ZNF831: variants seen among roughly 807,000 people sequenced by gnomAD.
ZNF831 encodes the protein chromosome 20 open reading frame 174.
Under a neutral mutation model 95.8 loss-of-function variants are expected in ZNF831, and 59 were observed. The ratio of observed to expected loss-of-function variants is 0.62; its 90% confidence interval spans 0.50 to 0.77. The LOEUF is 0.77. Among genes scored for constraint, ZNF831 ranks in the 30% least tolerant of loss-of-function variants. The probability of loss-of-function intolerance (pLI) is 0.00; values close to 1 mark genes in which losing one functional copy is unlikely to be tolerated. For missense variants in ZNF831, 2,205 were observed against 2,164.0 expected (o/e 1.02, Z -0.38); for synonymous variants, 961 against 925.5 (o/e 1.04, Z -0.70).
At chr20:59,128,637 A>G (rs1979253546) in intron 1 of ZNF831, among the ~76,000 whole-genome samples, 1 of 152,164 alleles carries the variant, frequency 6.6e-6, no homozygotes, top group Non-Finnish European at 1.5e-5. Context: ...TCTCCATGAG[A>G]TGGTAGCCAC....
intron 1 of ZNF831, among the ~76,000 whole-genome samples, chr20:59,131,132 T>G (rs763698697): frequency 6.6e-6 from 1 of 152,218 alleles, no homozygotes; most frequent in Non-Finnish European, 1.5e-5. Context: ...GCATTAACCT[T>G]CCAGCATCCA....
chr20:59,187,415 C>G (rs1307833219), intron 1 of ZNF831, among the ~76,000 whole-genome samples: 1 of 152,098 alleles, frequency 6.6e-6, no homozygotes, highest in Non-Finnish European at 1.5e-5. Context: ...ATCTAGGTAC[C>G]AGGATGCAGG....
intron 3 of ZNF831, among the ~76,000 whole-genome samples, chr20:59,206,310 T>C (rs1309220177): frequency 6.6e-6 from 1 of 152,140 alleles, no homozygotes; most frequent in Admixed American, 6.5e-5. Context: ...TACATCTTAT[T>C]TGAAGAAAAT....
rs371853980 is a variant in ZNF831 at position 59,211,018 on chromosome 20, C to T, written c.4027+3962C>T. ...ACTGCAGTCCGCAGTCCGGCCTGGG[C>T]GACAGAGCGAGACTCCGTCTCAAAA... On this transcript the variant is annotated intron_variant, in intron 4 of 5. Coordinates refer to ENST00000371030, the MANE Select transcript of ZNF831 (RefSeq NM_178457.3). 1.4e-4 allele frequency among the ~76,000 whole-genome samples: 19 copies of T among 136,912 alleles called. 3 individuals are homozygous for T. In the East Asian group the frequency reaches 2.8e-3, roughly 20 times the overall value. The allele number at this position is 136,912 out of a possible 152,430, so 89.8% of individuals were successfully genotyped here. A position where few individuals can be genotyped will look rare whatever the true frequency, so the allele number is the denominator to read the frequency against.
At chr20:59,209,195 G>A (rs746960504) in intron 4 of ZNF831, among the ~76,000 whole-genome samples, 2 of 152,170 alleles carry the variant, frequency 1.3e-5, no homozygotes, top group Non-Finnish European at 2.9e-5. Flanking sequence ...GATTCAAGGT[G>A]CAGCAATGCC....
intron 4 of ZNF831, among the ~76,000 whole-genome samples, chr20:59,219,054 T>C (rs1246742777): frequency 6.6e-6 from 1 of 151,996 alleles, no homozygotes; most frequent in African/African-American, 2.4e-5. Flanking sequence ...TGAGAGATGG[T>C]TCCCCCTAAA....
chr20:59,239,061 G>A (rs896669385), intron 4 of ZNF831, among the ~76,000 whole-genome samples: 1 of 152,214 alleles, frequency 6.6e-6, no homozygotes, highest in Non-Finnish European at 1.5e-5. Context: ...ACTCCATGAA[G>A]TGATAGAAAG....
intron 4 of ZNF831, among the ~76,000 whole-genome samples, chr20:59,233,102 A>G (rs1482542953): frequency 6.6e-6 from 1 of 151,860 alleles, no homozygotes; most frequent in Non-Finnish European, 1.5e-5. Flanking sequence ...CCCAGGTTAC[A>G]TGGCTTGGTG....
At chr20:59,144,084 C>CT (rs771857825) in intron 1 of ZNF831, among the ~76,000 whole-genome samples, 1 of 151,978 alleles carries the variant, frequency 6.6e-6, no homozygotes, top group Non-Finnish European at 1.5e-5. Context: ...CTTTCTATTT[C>CT]TTTTTTTTAA....
At chr20:59,196,391 G>A (rs182922181) in intron 3 of ZNF831, among the ~76,000 whole-genome samples, 1 of 152,290 alleles carries the variant, frequency 6.6e-6, no homozygotes, top group East Asian at 1.9e-4. Context: ...AAACATCCTA[G>A]TAATCTCGCC....
At chr20:59,131,023 T>C (rs150412602) in intron 1 of ZNF831, among the ~76,000 whole-genome samples, 1 of 152,288 alleles carries the variant, frequency 6.6e-6, no homozygotes, top group Non-Finnish European at 1.5e-5. Flanking sequence ...TCAGTAAACA[T>C]GAGATGTGTC....
intron 1 of ZNF831, among the ~76,000 whole-genome samples, chr20:59,181,795 C>T (rs942036994): frequency 1.5e-5 from 2 of 135,436 alleles, no homozygotes; most frequent in South Asian, 4.4e-4. Flanking sequence ...TTTTCTCATT[C>T]TGTGAAGAAA....
intron 1 of ZNF831, among the ~76,000 whole-genome samples, chr20:59,140,359 T>G (rs1240550708): frequency 2.6e-5 from 4 of 152,176 alleles, no homozygotes; most frequent in Non-Finnish European, 5.9e-5. Context: ...GCAAATCCAT[T>G]GGGTGCCTAA....
chr20:59,213,757 G>C (rs1218083698), intron 4 of ZNF831, among the ~76,000 whole-genome samples: 4 of 152,178 alleles, frequency 2.6e-5, no homozygotes, highest in Non-Finnish European at 5.9e-5. Flanking sequence ...CAGTGGGATG[G>C]CAGTGGAGTA....
chr20:59,191,084 G>T lies in ZNF831; in HGVS notation c.65G>T (p.Gly22Val). The change falls in exon 2 of 6, where the codon GGC becomes GTC. Residue 22 changes from glycine (G) to valine (V), a missense_variant. Transcript: ENST00000371030. ...PARDQPAPTPGPPGAPGGQAS... is the reference protein window; with the variant it reads ...PARDQPAPTPVPPGAPGGQAS... ...AGGGACCAGCCAGCTCCCACTCCTG[G>T]CCCTCCAGGGGCCCCAGGTGGCCAG... 4 of 1,537,382 alleles carry T rather than the reference G, an allele frequency of 2.6e-6. No individual in the cohort carries two copies. Among genetic ancestry groups the T allele is most frequent in the Non-Finnish European group, 3.5e-6 (4 of 1,150,292 alleles).
rs1330684028 is a variant in ZNF831 at position 59,217,538 on chromosome 20, C to T, written c.4027+10482C>T. On this transcript the variant is annotated intron_variant, in intron 4 of 5. Transcript: ENST00000371030. This position sits in a 1 kb window ranked among gnomAD's most constrained non-coding sequence, Gnocchi z 4.4. ...TTAATAGCCATTTTCAAATTGCTTC[C>T]CAGTTTATACCCCTACCAGTAGCAT... Among the ~76,000 whole-genome samples, 1 of 152,146 alleles carries T rather than the reference C, an allele frequency of 6.6e-6. No homozygotes were observed. The highest frequency in any genetic ancestry group is 1.5e-5 in the Non-Finnish European group (1 of 68,026).
chr20:59,227,413 G>C (rs1188629761), intron 4 of ZNF831, among the ~76,000 whole-genome samples: 1 of 152,178 alleles, frequency 6.6e-6, no homozygotes, highest in Admixed American at 6.5e-5. Context: ...GGATTGAAAT[G>C]GGACCAACTC....
chr20:59,184,891 T>C (rs574779323), intron 1 of ZNF831, among the ~76,000 whole-genome samples: 2 of 152,316 alleles, frequency 1.3e-5, no homozygotes, highest in Admixed American at 1.3e-4. Context: ...CTCTCCTCCA[T>C]AAAGCTGCAC....
At chr20:59,233,997 G>A (rs1475192989) in intron 4 of ZNF831, among the ~76,000 whole-genome samples, 1 of 152,208 alleles carries the variant, frequency 6.6e-6, no homozygotes, top group Non-Finnish European at 1.5e-5. Flanking sequence ...TTCTACTTCT[G>A]ATGATGAGCA....
Sources: gnomAD v4.1 joint callset for allele counts (sites outside exome capture counted in the v4.1 genomes callset) on GRCh38, gnomAD v4.1.1 for gene constraint, Gnocchi (gnomAD v3.1) non-coding constraint, MANE v1.5 for transcripts, NCBI Gene and HGNC (gene_info 2026-07-23, HGNC 2026-07-21) for gene names.